TMEM94: variants seen among roughly 807,000 people sequenced by gnomAD.
The protein encoded by TMEM94 is ER Mg2+ ATPase.
TMEM94 carries 81 observed loss-of-function variants against 158.6 expected under a neutral mutation model. The observed-to-expected ratio is 0.51, with a 90% CI of 0.43 to 0.61. The LOEUF (loss-of-function observed/expected upper bound fraction) is 0.61, where lower values mean the gene tolerates loss of function less well. Among genes scored for constraint, TMEM94 ranks in the 20% least tolerant of loss-of-function variants. The pLI, the probability that TMEM94 is intolerant of heterozygous loss-of-function variation, is 0.00. For synonymous variants in TMEM94, 751 were observed against 730.7 expected (o/e 1.03, Z -0.45); for missense variants, 1,435 against 1,762.0 (o/e 0.81, Z 3.32).
In TMEM94 at chr17:75,495,207, A is replaced by C; in HGVS notation, c.2729-77A>C. 1 of 1,419,574 alleles carries C rather than the reference A, an allele frequency of 7.0e-7. No homozygotes were observed. The allele number at this position is 1,419,574 out of a possible 1,614,324, so 87.9% of individuals were successfully genotyped here. A position where few individuals can be genotyped will look rare whatever the true frequency, so the allele number is the denominator to read the frequency against. ...TCAGCAGGAAGGAGTGGACACAGGC[A>C]AAAAATTCTCTGCAGGGCAAGGACA... On this transcript the variant is annotated intron_variant, in intron 20 of 31. Transcript: ENST00000314256. The surrounding 1 kb of genome is among the most constrained non-coding windows in gnomAD (Gnocchi z 5.6).
In TMEM94 at chr17:75,489,578, C is replaced by T. The variant is rs750527373; in HGVS notation, c.870C>T (p.Ala290=). The T allele has an allele frequency of 2.5e-6, 4 of 1,613,876 alleles. No individual in the cohort carries two copies. The highest frequency in any genetic ancestry group is 3.4e-6 in the Non-Finnish European group (4 of 1,179,862). The change falls in exon 9 of 32, where the codon GCC becomes GCT. Residue 290 remains alanine (A), a splice_region_variant and synonymous_variant. Coordinates refer to ENST00000314256, the MANE Select transcript of TMEM94 (RefSeq NM_014738.6). The surrounding 1 kb of genome is among the most constrained non-coding windows in gnomAD (Gnocchi z 5.0). ...MLHYAVPVVL[A]GFLITNALRF... is the part of the protein sequence containing the mutation. Reference sequence around the variant, plus strand: ...TGTGCCTCTGCTGTTCCCAACAGGCCGGCTTCCTCATCACCAATGCCCTGC... The same window carrying T: ...TGTGCCTCTGCTGTTCCCAACAGGCTGGCTTCCTCATCACCAATGCCCTGC...
chr17:75,486,454 G>T (rs1320272256), intron 5 of TMEM94, 28 bp downstream of exon 5: 2 of 1,614,008 alleles, frequency 1.2e-6, no homozygotes, highest in Non-Finnish European at 1.7e-6. Flanking sequence ...CATATTGGTG[G>T]GAAAAGATGA....
chr17:75,489,765 C>G lies in TMEM94; in HGVS notation c.954+103C>G. On this transcript the variant is annotated intron_variant, in intron 9 of 31. Transcript: ENST00000314256. This position sits in a 1 kb window ranked among gnomAD's most constrained non-coding sequence, Gnocchi z 5.0. ...CCCTCCCTCTCTGCAGCCCAGAGGT[C>G]CCCTCACGCTTCAGCTTAAGAACAC... 1 of 992,232 alleles carries G rather than the reference C, an allele frequency of 1.0e-6. No homozygotes were observed. Among genetic ancestry groups the G allele is most frequent in the Non-Finnish European group, 1.6e-6 (1 of 637,848 alleles). The allele number at this position is 992,232 out of a possible 1,614,324, so 61.5% of individuals were successfully genotyped here. A position where few individuals can be genotyped will look rare whatever the true frequency, so the allele number is the denominator to read the frequency against.
chr17:75,490,904 C>T, intron 11 of TMEM94, 145 bp from the exon 12 acceptor site: 2 of 936,768 alleles, frequency 2.1e-6, no homozygotes, highest in Non-Finnish European at 3.3e-6. Flanking sequence ...TGGACCTGTT[C>T]CCATAACGTG....
At position 75,491,474 on chromosome 17, in the gene TMEM94, C is replaced by T. The variant is rs1187571975; in HGVS notation, c.1386+19C>T. 1.9e-6 allele frequency: 3 copies of T among 1,613,758 alleles called. No individual in the cohort carries two copies. The highest frequency in any genetic ancestry group is 2.5e-6 in the Non-Finnish European group (3 of 1,180,014). On this transcript the variant is annotated intron_variant, in intron 13 of 31. Transcript: ENST00000314256. This position sits in a 1 kb window ranked among gnomAD's most constrained non-coding sequence, Gnocchi z 5.1. ...TCCCGAGGTAGAGGAGGAGGTACGG[C>T]CGGCTCCCATGGGCCCGACTCTGGG...
At chr17:75,471,989 TA>T in intron 2 of TMEM94, 60 bp downstream of exon 2, 1 of 1,572,570 alleles carries the variant, frequency 6.4e-7, no homozygotes, top group Non-Finnish European at 8.7e-7. Flanking sequence ...AACTCTTTCC[TA>T]CTTGTTTTTG....
chr17:75,479,660 G>A (rs1392505675), intron 2 of TMEM94, among the ~76,000 whole-genome samples: 1 of 151,590 alleles, frequency 6.6e-6, no homozygotes. Flanking sequence ...GCTCACACCT[G>A]TAATCCCAAC....
chr17:75,469,960 C>G (rs1223212258), intron 1 of TMEM94, among the ~76,000 whole-genome samples: 2 of 150,968 alleles, frequency 1.3e-5, no homozygotes, highest in Non-Finnish European at 3.0e-5. Context: ...GTAATCCCAG[C>G]TACTCAGGAG....
Position 75,485,137 on chromosome 17 carries a change from C to A in TMEM94, c.25-291C>A, listed in dbSNP as rs551154928. 7.9e-5 allele frequency among the ~76,000 whole-genome samples: 12 copies of A among 152,060 alleles called. No individual in the cohort carries two copies. The South Asian group carries it at 2.5e-3, about 32-fold the overall frequency. On this transcript the variant is annotated intron_variant, in intron 2 of 31. Transcript: ENST00000314256. This position sits in a 1 kb window ranked among gnomAD's most constrained non-coding sequence, Gnocchi z 5.5. ...ACAGCCTGGGTGGGCAGGGAGCTCG[C>A]CAGGGGCAGTGGGGAAAGTGAGTTG...
At chr17:75,457,416 C>G (rs1041546436) in intron 1 of TMEM94, 1 of 152,296 alleles carries the variant, frequency 6.6e-6, no homozygotes, top group Admixed American at 6.5e-5. Context: ...CCTAGCATGC[C>G]ACGATGCGGC....
Position 75,489,653 on chromosome 17 carries a change from C to A in TMEM94, c.945C>A (p.Leu315=). ...TCACTTCCTGGCAGTACACCCTCCT[C>A]CAGCTCCAGGCAAGGACCACCCTGT... ...PGVTSWQYTL[L]QLQVNGVLPI... The change falls in exon 9 of 32, where the codon CTC becomes CTA. Residue 315 remains leucine (L), a synonymous_variant. Coordinates refer to ENST00000314256, the MANE Select transcript of TMEM94 (RefSeq NM_014738.6). The surrounding 1 kb of genome is among the most constrained non-coding windows in gnomAD (Gnocchi z 5.0). 1 of 1,613,590 alleles carries A rather than the reference C, an allele frequency of 6.2e-7. No individual in the cohort carries two copies.
In TMEM94 at chr17:75,490,737, T is replaced by C. The variant is rs201002475; in HGVS notation, c.1107T>C (p.Tyr369=). The change falls in exon 11 of 32, where the codon TAT becomes TAC. Residue 369 remains tyrosine, a synonymous_variant. Transcript: ENST00000314256. ...AKFSEDTLSS[Y]TEAVSSQEML... is the part of the protein sequence containing the mutation. ...TCTCAGAGGATACTCTCAGCAGCTA[T>C]ACGGAGGCTGTCTCCTCTCAGGTAC... 8 of 1,614,116 alleles carry C rather than the reference T, an allele frequency of 5.0e-6. No individual in the cohort carries two copies. The highest frequency in any genetic ancestry group is 2.2e-5 in the East Asian group (1 of 44,884).
Position 75,498,789 on chromosome 17 carries a change from A to G in TMEM94, c.3827+67A>G. The G allele has an allele frequency of 7.2e-6, 11 of 1,528,696 alleles. No individual in the cohort carries two copies. Among genetic ancestry groups the G allele is most frequent in the Non-Finnish European group, 9.7e-6 (11 of 1,136,756 alleles). 94.7% of individuals were successfully genotyped at this position (1,528,696 alleles called of 1,614,324 possible). The stretch of plus-strand genomic sequence containing the variant: ...GGAGAGGGCCTTCTGCAGGGCTAGG[A>G]TCGGAGGGCGGGACCGGGGCCAGTG... On this transcript the variant is annotated intron_variant, in intron 30 of 31. Transcript: ENST00000314256. The surrounding 1 kb of genome is among the most constrained non-coding windows in gnomAD (Gnocchi z 6.7).
chr17:75,471,193 C>T (rs6501809), intron 1 of TMEM94, among the ~76,000 whole-genome samples: 123,550 of 146,146 alleles, frequency 0.85, 52,784 homozygotes, highest in African/African-American at 0.93. Flanking sequence ...GAGCCAAGAT[C>T]GGGTCATAGC....
Position 75,494,529 on chromosome 17 carries a change from C to T in TMEM94, c.2408-98C>T. 6 of 1,243,674 alleles carry T rather than the reference C, an allele frequency of 4.8e-6. 1 individual carries two copies. The highest frequency in any genetic ancestry group is 4.3e-5 in the South Asian group (3 of 70,114). 77.0% of individuals were successfully genotyped at this position (1,243,674 alleles called of 1,614,324 possible). A position where few individuals can be genotyped will look rare whatever the true frequency, so the allele number is the denominator to read the frequency against. ...TGGCTGTGTGTGGTCCCCTGGGGCC[C>T]ATATGCTCATTGATTTGGGTGTGGC... On this transcript the variant is annotated intron_variant, in intron 18 of 31. Transcript: ENST00000314256.
At chr17:75,465,679 A>ATATATATATATATATATATATTTTT (rs1247855961) in intron 1 of TMEM94, among the ~76,000 whole-genome samples, 1 of 124,816 alleles carries the variant, frequency 8.0e-6, no homozygotes, top group African/African-American at 3.5e-5. Context: ...ATATATATAT[A>ATATATATATATATATATATATTTTT]TTTTTTTTTA....
At chr17:75,461,325 C>G (rs899428227) in intron 1 of TMEM94, among the ~76,000 whole-genome samples, 2 of 151,840 alleles carry the variant, frequency 1.3e-5, no homozygotes, top group Non-Finnish European at 2.9e-5. Flanking sequence ...ATGTCGAACT[C>G]CTGACCCCAG....
Position 75,499,450 on chromosome 17 carries a change from A to T in TMEM94, c.*116A>T. On this transcript the variant is annotated 3_prime_UTR_variant, in exon 32 of 32. Transcript: ENST00000314256. ...CCAGGTTTGCTCCTGCACCCGTGGC[A>T]CTGGAAACCCAGCTCCCCGTGTCAG... 4.0e-6 allele frequency: 4 copies of T among 992,946 alleles called. No individual in the cohort carries two copies. The African/African-American group carries it at 6.4e-5, about 16-fold the overall frequency. 61.5% of individuals were successfully genotyped at this position (992,946 alleles called of 1,614,324 possible).
rs1240708161 is a variant in TMEM94, at chr17:75,488,889, C to A, written c.743C>A (p.Thr248Asn). Residue 248 changes from threonine to asparagine, a missense_variant, in exon 7 of 32, where the codon ACC (threonine) becomes AAC (asparagine). Thr to Asn is a moderately conservative substitution (Grantham distance 65). Transcript: ENST00000314256. ...QQHRLFRVLETPVIDNIRWCL... is the reference protein window; with the variant it reads ...QQHRLFRVLENPVIDNIRWCL... ...CACCGGCTTTTCCGTGTCCTTGAGA[C>A]CCCTGTGATTGACAACATCAGGTAG... The A allele has an allele frequency of 1.3e-6, 2 of 1,599,980 alleles. No homozygotes were observed. The highest frequency in any genetic ancestry group is 1.1e-5 in the South Asian group (1 of 89,684).
Sources: allele counts gnomAD v4.1 joint callset (sites outside exome capture counted in the v4.1 genomes callset), GRCh38; gene constraint gnomAD v4.1.1; non-coding constraint Gnocchi (gnomAD v3.1); transcripts MANE v1.5; gene names NCBI Gene and HGNC (gene_info 2026-07-23, HGNC 2026-07-21).